The following NUS1 variants were observed in gnomAD, a reference collection of about 807,000 sequenced individuals.
NUS1 encodes the protein dehydrodolichyl diphosphate synthase complex subunit NUS1.
For synonymous variants in NUS1, 135 were observed against 155.2 expected (o/e 0.87, Z 0.97); for missense variants, 292 against 382.9 (o/e 0.76, Z 1.98).
At chr6:117,681,772 C>T (rs1227218325) in intron 1 of NUS1, among the ~76,000 whole-genome samples, 2 of 152,186 alleles carry the variant, frequency 1.3e-5, no homozygotes, top group Non-Finnish European at 1.5e-5. Flanking sequence ...TTTATCTTAA[C>T]ATCCTGAAAT....
rs1369265850 is a variant in NUS1, at chr6:117,703,624, T to C, written c.711T>C (p.Asp237=). 1 of 1,613,450 alleles carries C rather than the reference T, an allele frequency of 6.2e-7. No homozygotes were observed. Among genetic ancestry groups the C allele is most frequent in the Non-Finnish European group, 8.5e-7 (1 of 1,179,372 alleles). Reference sequence around the variant, plus strand: ...TCCAAGGTTCAAATGGTTGTCCTGATCCTGATTTAGTATTGAAGTTCGGTC... The same window carrying C: ...TCCAAGGTTCAAATGGTTGTCCTGACCCTGATTTAGTATTGAAGTTCGGTC... ...ASLLSSNGCP[D]PDLVLKFGPV... is the part of the protein sequence containing the mutation. Residue 237 remains aspartate, a synonymous_variant, in exon 4 of 5, where the codon GAT becomes GAC. Coordinates refer to ENST00000368494, the MANE Select transcript of NUS1 (RefSeq NM_138459.5).
rs1773549455 is a variant in NUS1 at position 117,709,690 on chromosome 6, A to C, written c.*2675A>C. On this transcript the variant is annotated 3_prime_UTR_variant, in exon 5 of 5. Coordinates refer to ENST00000368494, the MANE Select transcript of NUS1 (RefSeq NM_138459.5). The stretch of plus-strand genomic sequence containing the variant: ...CTTGTGATGTTTTGTATGGACTTTG[A>C]CAATATGTAAATAATGTGTAAAGCC... 1 of 152,568 alleles carries C rather than the reference A, an allele frequency of 6.6e-6. No homozygotes were observed. 9.5% of individuals were successfully genotyped at this position (152,568 alleles called of 1,614,324 possible).
At chr6:117,699,433 G>T (rs1773366841) in intron 3 of NUS1, among the ~76,000 whole-genome samples, 2 of 152,078 alleles carry the variant, frequency 1.3e-5, no homozygotes, top group African/African-American at 4.8e-5. Context: ...ATTAACCAAA[G>T]AAGTGAAAGA....
At chr6:117,692,991 A>T in intron 1 of NUS1, 51 bp from the exon 2 acceptor site, 1 of 1,487,552 alleles carries the variant, frequency 6.7e-7, no homozygotes, top group Middle Eastern at 2.1e-4. Flanking sequence ...ATTCACTTGA[A>T]GAGGAAAAAT....
At chr6:117,691,359 T>C (rs1470242283) in intron 1 of NUS1, among the ~76,000 whole-genome samples, 1 of 151,990 alleles carries the variant, frequency 6.6e-6, no homozygotes, top group Non-Finnish European at 1.5e-5. Flanking sequence ...TCCGAACTCA[T>C]GCTTTTTCTT....
At chr6:117,704,812 G>T (rs1773477693) in intron 4 of NUS1, among the ~76,000 whole-genome samples, 1 of 152,132 alleles carries the variant, frequency 6.6e-6, no homozygotes, top group Admixed American at 6.5e-5. Context: ...AAACCAGAAA[G>T]TGAAGGGAAT....
chr6:117,681,180 A>G (rs1214548278), intron 1 of NUS1, among the ~76,000 whole-genome samples: 2 of 152,104 alleles, frequency 1.3e-5, no homozygotes, highest in Non-Finnish European at 2.9e-5. Flanking sequence ...TCCGTTCCCT[A>G]TCTTACTATA....
chr6:117,695,776 T>C lies in NUS1; in HGVS notation c.691+1596T>C, dbSNP rs567698612. Among the ~76,000 whole-genome samples the C allele has an allele frequency of 8.5e-5, 13 of 152,302 alleles. No homozygotes were observed. In the South Asian group the frequency reaches 2.7e-3, roughly 32 times the overall value. ...GTCTGGTTTCTGACTATACTTTCGC[T>C]TTTTCTATAAATTTTATATAAAAGG... On this transcript the variant is annotated intron_variant, in intron 3 of 4. Transcript: ENST00000368494.
chr6:117,696,629 T>C (rs1044487171), intron 3 of NUS1, among the ~76,000 whole-genome samples: 1 of 152,094 alleles, frequency 6.6e-6, no homozygotes, highest in Non-Finnish European at 1.5e-5. Context: ...TTTTAAAAAG[T>C]GGTGAAAGAA....
chr6:117,702,556 T>C (rs1210643627), intron 3 of NUS1, among the ~76,000 whole-genome samples: 1 of 152,216 alleles, frequency 6.6e-6, no homozygotes, highest in African/African-American at 2.4e-5. Flanking sequence ...CAATTTAACA[T>C]GTTTTTTATA....
chr6:117,693,252 A>T, intron 2 of NUS1, 85 bp downstream of exon 2: 2 of 1,338,984 alleles, frequency 1.5e-6, no homozygotes, highest in Non-Finnish European at 2.1e-6. Context: ...TCTGTCATTT[A>T]TTCATTCACG....
intron 4 of NUS1, among the ~76,000 whole-genome samples, chr6:117,706,577 T>G (rs1191569711): frequency 6.6e-6 from 1 of 152,234 alleles, no homozygotes; most frequent in Admixed American, 6.5e-5. Context: ...TTGTCCACAA[T>G]GAGCTGAACA....
In NUS1 at chr6:117,703,542, C is replaced by CTG. The variant is rs146116464; in HGVS notation, c.692-48_692-47dup. On this transcript the variant is annotated intron_variant, in intron 3 of 4. Transcript: ENST00000368494. ...CATTTTGCCCATGATCTGTGTGTTT[C>CTG]TGTGTGTGTGTGTGTGCACATGCAG... is the stretch of plus-strand genomic sequence containing the variant. 1,602 of 1,099,020 alleles carry CTG rather than the reference C, an allele frequency of 1.5e-3. 5 individuals are homozygous for CTG. The highest frequency in any genetic ancestry group is 6.1e-3 in the South Asian group (471 of 76,646). 68.1% of individuals were successfully genotyped at this position (1,099,020 alleles called of 1,614,324 possible).
chr6:117,684,185 T>A (rs577856680), intron 1 of NUS1, among the ~76,000 whole-genome samples: 2 of 152,350 alleles, frequency 1.3e-5, no homozygotes, highest in East Asian at 3.9e-4. Context: ...TGTGGCTGTT[T>A]TCCATAGCAG....
At chr6:117,706,332 C>T (rs938242027) in intron 4 of NUS1, among the ~76,000 whole-genome samples, 6 of 152,078 alleles carry the variant, frequency 3.9e-5, no homozygotes, top group African/African-American at 1.4e-4. Context: ...TGTGGCTCTG[C>T]CCAACATTAA....
intron 1 of NUS1, among the ~76,000 whole-genome samples, chr6:117,686,118 G>C (rs1197818559): frequency 6.6e-6 from 1 of 151,604 alleles, no homozygotes; most frequent in East Asian, 2.0e-4. Context: ...AAAATTAGCC[G>C]GGCGTGGTGG....
At chr6:117,688,319 G>T (rs901363074) in intron 1 of NUS1, among the ~76,000 whole-genome samples, 1 of 152,218 alleles carries the variant, frequency 6.6e-6, no homozygotes, top group Non-Finnish European at 1.5e-5. Flanking sequence ...AAACATTGCT[G>T]TAAAAGAGTA....
At position 117,706,946 on chromosome 6, in the gene NUS1, C is replaced by T. The variant is rs774325987; in HGVS notation, c.813C>T (p.Asn271=). 6.2e-7 allele frequency: 1 copy of T among 1,612,678 alleles called. No homozygotes were observed. The highest frequency in any genetic ancestry group is 1.1e-5 in the South Asian group (1 of 91,040). Residue 271 remains asparagine, a synonymous_variant, in exon 5 of 5, where the codon AAC becomes AAT. Transcript: ENST00000368494. ...TCAGCTCTTTGCCTTCCCACCTAAA[C>T]ATCAGTTATGAGGACTTTTTCTCTG... ...TEIVSLPSHL[N]ISYEDFFSAL...
Position 117,709,184 on chromosome 6 carries a change from AG to A in NUS1, c.*2170del, listed in dbSNP as rs1301792524. 6.6e-6 allele frequency: 1 copy of A among 152,368 alleles called. No individual in the cohort carries two copies. The highest frequency in any genetic ancestry group is 6.5e-5 in the Admixed American group (1 of 15,280). The allele number at this position is 152,368 out of a possible 1,614,324, so 9.4% of individuals were successfully genotyped here. ...TGGTTGTTCTGTAATTCCTGCCAAAAGCATCACAAGTTGTACATCATCAAGG... is the reference window on the plus strand; with the variant it reads ...TGGTTGTTCTGTAATTCCTGCCAAAACATCACAAGTTGTACATCATCAAGG... On this transcript the variant is annotated 3_prime_UTR_variant, in exon 5 of 5. Coordinates refer to ENST00000368494, the MANE Select transcript of NUS1 (RefSeq NM_138459.5).
Sources: gnomAD v4.1 joint callset for allele counts (sites outside exome capture counted in the v4.1 genomes callset) on GRCh38, gnomAD v4.1.1 for gene constraint, MANE v1.5 for transcripts, NCBI Gene and HGNC (gene_info 2026-07-23, HGNC 2026-07-21) for gene names.